The following KCNH7 variants were observed in gnomAD, a reference collection of about 807,000 sequenced individuals.
The protein encoded by KCNH7 is potassium voltage-gated channel subfamily H member 7, also known as voltage-gated inwardly rectifying potassium channel KCNH7.
A neutral mutation model predicts 120.8 loss-of-function variants in KCNH7; 49 were observed. The observed-to-expected ratio is 0.41, with a 90% CI of 0.32 to 0.51. The LOEUF is 0.51. Ranked by LOEUF, KCNH7 falls within the 20% of genes least tolerant of loss-of-function variation. The pLI is 0.38. For synonymous variants in KCNH7, 547 were observed against 516.1 expected, an observed-to-expected ratio of 1.06 and a Z score of -0.81; for missense variants, 1,097 against 1,446.6, an observed-to-expected ratio of 0.76 and a Z score of 3.92.
chr2:162,637,509 T>A (rs1373363300), intron 2 of KCNH7, among the ~76,000 whole-genome samples: 1 of 152,048 alleles, frequency 6.6e-6, no homozygotes, highest in Non-Finnish European at 1.5e-5. Flanking sequence ...AAAGAAGAAA[T>A]GAGTTTAGGA....
intron 2 of KCNH7, among the ~76,000 whole-genome samples, chr2:162,758,332 C>A (rs1171485562): frequency 2.0e-5 from 3 of 152,056 alleles, no homozygotes; most frequent in African/African-American, 7.2e-5. Context: ...AGGTTATATT[C>A]TTTAGTCAAA....
chr2:162,401,536 T>C (rs935160160), intron 9 of KCNH7, among the ~76,000 whole-genome samples: 7 of 151,914 alleles, frequency 4.6e-5, no homozygotes, highest in Non-Finnish European at 8.8e-5. Context: ...TTTCAATGTA[T>C]TTGGCTCACA....
intron 6 of KCNH7, among the ~76,000 whole-genome samples, chr2:162,498,126 C>T (rs113942724): frequency 5.9e-4 from 89 of 152,038 alleles, no homozygotes; most frequent in Middle Eastern, 3.4e-3. Context: ...AGATTAATAC[C>T]TTCTGGCTCA....
At chr2:162,427,321 T>C (rs1340772558) in intron 8 of KCNH7, among the ~76,000 whole-genome samples, 2 of 152,112 alleles carry the variant, frequency 1.3e-5, no homozygotes, top group African/African-American at 4.8e-5. Flanking sequence ...TCATTTTACA[T>C]TCTCCCCAGC....
intron 2 of KCNH7, among the ~76,000 whole-genome samples, chr2:162,807,673 T>TTTTTG (rs1368914758): frequency 2.2e-4 from 24 of 110,060 alleles, no homozygotes; most frequent in African/African-American, 6.2e-4. Flanking sequence ...TTTCATCCAT[T>TTTTTG]TTTTGTTTTG....
chr2:162,811,870 C>T (rs922998804), intron 2 of KCNH7, among the ~76,000 whole-genome samples: 35 of 152,100 alleles, frequency 2.3e-4, no homozygotes, highest in Admixed American at 1.6e-3. Flanking sequence ...CTCTTCTGAA[C>T]AAAGTGGATG....
At chr2:162,709,978 A>T (rs982252005) in intron 2 of KCNH7, among the ~76,000 whole-genome samples, 3 of 152,142 alleles carry the variant, frequency 2.0e-5, no homozygotes, top group African/African-American at 7.2e-5. Context: ...GTAGATATTG[A>T]AGGGAACCCA....
At chr2:162,545,145 G>A (rs1692436170) in intron 2 of KCNH7, among the ~76,000 whole-genome samples, 1 of 152,082 alleles carries the variant, frequency 6.6e-6, no homozygotes, top group African/African-American at 2.4e-5. Context: ...AGAGTGAGAT[G>A]TTAACAGATA....
intron 6 of KCNH7, among the ~76,000 whole-genome samples, chr2:162,475,767 T>C (rs1437923256): frequency 6.6e-6 from 1 of 152,172 alleles, no homozygotes; most frequent in African/African-American, 2.4e-5. Flanking sequence ...GTGTACTTTC[T>C]CAGCCTCATG....
chr2:162,750,496 G>C (rs942402636), intron 2 of KCNH7, among the ~76,000 whole-genome samples: 5 of 152,072 alleles, frequency 3.3e-5, no homozygotes, highest in Admixed American at 2.0e-4. Context: ...TTAGGAGTCA[G>C]ATAATTAACA....
chr2:162,581,106 T>C (rs1362531995), intron 2 of KCNH7, among the ~76,000 whole-genome samples: 1 of 152,040 alleles, frequency 6.6e-6, no homozygotes, highest in Non-Finnish European at 1.5e-5. Context: ...TAGTGGGTAA[T>C]GGTGGCAGGC....
At chr2:162,470,645 C>T (rs527629048) in intron 6 of KCNH7, among the ~76,000 whole-genome samples, 13 of 149,934 alleles carry the variant, frequency 8.7e-5, no homozygotes, top group African/African-American at 3.2e-4. Flanking sequence ...CCCCGCCCGG[C>T]CAGCCGCCCC....
At chr2:162,376,525 C>T (rs888795597) in intron 14 of KCNH7, among the ~76,000 whole-genome samples, 1 of 152,012 alleles carries the variant, frequency 6.6e-6, no homozygotes, top group Non-Finnish European at 1.5e-5. Flanking sequence ...CCACCACTCC[C>T]AGCTAATTTT....
At position 162,648,477 on chromosome 2, in the gene KCNH7, C is replaced by A. The variant is rs147810987; in HGVS notation, c.308-111397G>T. ...GTGGGGACGCAGAGCCAAACCATAT[C>A]AACCACATCATGCTAAGCTCTCCAT... is the stretch of plus-strand genomic sequence containing the variant. On this transcript the variant is annotated intron_variant, in intron 2 of 15. Transcript: ENST00000332142. Among the ~76,000 whole-genome samples, 169 of 152,242 alleles carry A rather than the reference C, an allele frequency of 1.1e-3. 2 individuals carry two copies. The highest frequency in any genetic ancestry group is 3.9e-3 in the African/African-American group (162 of 41,560).
At chr2:162,772,490 A>G (rs1272503876) in intron 2 of KCNH7, among the ~76,000 whole-genome samples, 2 of 152,130 alleles carry the variant, frequency 1.3e-5, no homozygotes, top group Admixed American at 1.3e-4. Context: ...TTTTTGCTCC[A>G]ATTAATTCAG....
intron 13 of KCNH7, among the ~76,000 whole-genome samples, chr2:162,383,921 G>C (rs1455697666): frequency 2.0e-5 from 3 of 151,752 alleles, no homozygotes; most frequent in African/African-American, 7.3e-5. Context: ...TTTACCCAAA[G>C]ACATAAAGGG....
intron 2 of KCNH7, among the ~76,000 whole-genome samples, chr2:162,571,298 G>A (rs1693465783): frequency 6.6e-6 from 1 of 152,120 alleles, no homozygotes; most frequent in Non-Finnish European, 1.5e-5. Context: ...ATTCACAATT[G>A]CTTCAAAGAG....
rs1213073459 is a variant in KCNH7, at chr2:162,756,572, C to T, written c.307+79965G>A. On this transcript the variant is annotated intron_variant, in intron 2 of 15. Transcript: ENST00000332142. ...CTTGAACTCTCAGGCTCAGGGGATC[C>T]TTCCACCTCAGCTTCCTGAATAGCT... Among the ~76,000 whole-genome samples, 3 of 152,258 alleles carry T rather than the reference C, an allele frequency of 2.0e-5. No homozygotes were observed. The East Asian group carries it at 5.8e-4, about 29-fold the overall frequency.
At chr2:162,618,024 C>A (rs1574176495) in intron 2 of KCNH7, among the ~76,000 whole-genome samples, 1 of 151,606 alleles carries the variant, frequency 6.6e-6, no homozygotes, top group Admixed American at 6.6e-5. Flanking sequence ...ATAATTAATA[C>A]AAAATTACAG....
Sources: gnomAD v4.1 joint callset for allele counts (sites outside exome capture counted in the v4.1 genomes callset) on GRCh38, gnomAD v4.1.1 for gene constraint, MANE v1.5 for transcripts, NCBI Gene and HGNC (gene_info 2026-07-23, HGNC 2026-07-21) for gene names.